PAWR: variants seen among roughly 807,000 people sequenced by gnomAD.
PAWR encodes PRKC apoptosis WT1 regulator protein.
In PAWR, 23 loss-of-function variants were observed where a neutral mutation model predicts 32.0. That is an observed-to-expected ratio of 0.72 (90% CI 0.52 to 1.02). The LOEUF is 1.02. PAWR is among the 50% of genes least tolerant of loss of function. PAWR has a pLI of 0.00. For missense variants in PAWR, 457 were observed against 437.7 expected, an observed-to-expected ratio of 1.04 and a Z score of -0.39; for synonymous variants, 226 against 187.1, an observed-to-expected ratio of 1.21 and a Z score of -1.70.
chr12:79,677,777 T>C (rs1220277785), intron 2 of PAWR, among the ~76,000 whole-genome samples: 2 of 152,150 alleles, frequency 1.3e-5, no homozygotes, highest in African/African-American at 4.8e-5. Context: ...CAAAGGCAAT[T>C]CCCATCCTTA....
chr12:79,634,829 A>G (rs540028727), intron 2 of PAWR, among the ~76,000 whole-genome samples: 58 of 152,160 alleles, frequency 3.8e-4, no homozygotes, highest in African/African-American at 1.4e-3. Context: ...TGACAGTTAT[A>G]TAAGGATTCA....
At chr12:79,684,590 C>G (rs1294941836) in intron 2 of PAWR, among the ~76,000 whole-genome samples, 1 of 151,556 alleles carries the variant, frequency 6.6e-6, no homozygotes, top group Non-Finnish European at 1.5e-5. Flanking sequence ...TGTACTCCAG[C>G]CTGGGCAACA....
At chr12:79,637,284 G>A (rs1163408006) in intron 2 of PAWR, among the ~76,000 whole-genome samples, 1 of 152,022 alleles carries the variant, frequency 6.6e-6, no homozygotes, top group African/African-American at 2.4e-5. Context: ...AACCATGAAA[G>A]GTATTAGGGA....
At chr12:79,642,169 T>G (rs1876357748) in intron 2 of PAWR, among the ~76,000 whole-genome samples, 1 of 152,200 alleles carries the variant, frequency 6.6e-6, no homozygotes, top group Non-Finnish European at 1.5e-5. Context: ...AAAGATATCT[T>G]CAATATATGG....
intron 2 of PAWR, among the ~76,000 whole-genome samples, chr12:79,647,892 C>A (rs1876651933): frequency 1.3e-5 from 2 of 152,190 alleles, no homozygotes; most frequent in African/African-American, 4.8e-5. Context: ...GAACACAAGA[C>A]AGGGGCAGGG....
chr12:79,632,349 ATATATATATATATTTTT>A (rs1875734254), intron 2 of PAWR, among the ~76,000 whole-genome samples: 1 of 33,602 alleles, frequency 3.0e-5, no homozygotes, highest in African/African-American at 3.6e-4. Flanking sequence ...ATATATATAT[ATATATATATATATTTTT>A]TTTTTTTTTT....
intron 2 of PAWR, among the ~76,000 whole-genome samples, chr12:79,654,806 C>T (rs949175129): frequency 6.6e-6 from 1 of 152,028 alleles, no homozygotes; most frequent in African/African-American, 2.4e-5. Context: ...GAGAACAACA[C>T]GGAGGAAACC....
chr12:79,643,655 T>A (rs1368672182), intron 2 of PAWR, among the ~76,000 whole-genome samples: 2 of 152,158 alleles, frequency 1.3e-5, no homozygotes, highest in Non-Finnish European at 2.9e-5. Flanking sequence ...AAACCTACTC[T>A]AAATCCTAAT....
chr12:79,608,084 GA>G (rs1421366064), intron 4 of PAWR, among the ~76,000 whole-genome samples: 1 of 151,768 alleles, frequency 6.6e-6, no homozygotes, highest in Non-Finnish European at 1.5e-5. Flanking sequence ...TTCCATCTAG[GA>G]AAAAAAGTTA....
At chr12:79,628,054 GAAGTA>G (rs1207362329) in intron 2 of PAWR, among the ~76,000 whole-genome samples, 1 of 152,120 alleles carries the variant, frequency 6.6e-6, no homozygotes, top group Non-Finnish European at 1.5e-5. Flanking sequence ...CACATAGTTA[GAAGTA>G]AAGCACTCCT....
chr12:79,632,308 CATACAT>C lies in PAWR; in HGVS notation c.517-11107_517-11102del, dbSNP rs1566010874. ...ATAGAAATATATACATATATATATACATACATATATATATATATATATATATATATA... is the reference window on the plus strand; with the variant it reads ...ATAGAAATATATACATATATATATACATATATATATATATATATATATATA... On this transcript the variant is annotated intron_variant, in intron 2 of 6. Coordinates refer to ENST00000328827, the MANE Select transcript of PAWR (RefSeq NM_002583.4). 22 of 25,174 alleles carry C rather than the reference CATACAT, an allele frequency of 8.7e-4. 1 individual carries two copies. Among genetic ancestry groups the C allele is most frequent in the Admixed American group, 1.8e-3 (3 of 1,644 alleles). The allele number at this position is 25,174 out of a possible 1,614,324, so 1.6% of individuals were successfully genotyped here.
chr12:79,600,943 A>G (rs900309008), intron 4 of PAWR, among the ~76,000 whole-genome samples: 1 of 152,156 alleles, frequency 6.6e-6, no homozygotes, highest in Non-Finnish European at 1.5e-5. Context: ...TGTGATGATG[A>G]CAAGTCAAAA....
At chr12:79,668,590 G>A (rs1228179573) in intron 2 of PAWR, among the ~76,000 whole-genome samples, 1 of 152,202 alleles carries the variant, frequency 6.6e-6, no homozygotes, top group Non-Finnish European at 1.5e-5. Context: ...ACATTGGTTA[G>A]ATTCTCATAA....
chr12:79,657,804 A>G (rs938851820), intron 2 of PAWR, among the ~76,000 whole-genome samples: 1 of 152,166 alleles, frequency 6.6e-6, no homozygotes, highest in Admixed American at 6.5e-5. Flanking sequence ...AAAAAAAAAA[A>G]AAGATTCTCA....
intron 4 of PAWR, among the ~76,000 whole-genome samples, chr12:79,610,896 T>C (rs1874405385): frequency 6.6e-6 from 1 of 151,224 alleles, no homozygotes; most frequent in Non-Finnish European, 1.5e-5. Flanking sequence ...TTCCCTACAG[T>C]TAAACACATT....
intron 2 of PAWR, among the ~76,000 whole-genome samples, chr12:79,642,446 T>G (rs908841357): frequency 6.6e-6 from 1 of 152,204 alleles, no homozygotes; most frequent in African/African-American, 2.4e-5. Context: ...ATCACAGAAT[T>G]TTATTTTCTC....
At chr12:79,638,197 C>T (rs1437421792) in intron 2 of PAWR, among the ~76,000 whole-genome samples, 4 of 151,262 alleles carry the variant, frequency 2.6e-5, no homozygotes, top group Non-Finnish European at 4.4e-5. Flanking sequence ...TTGGTCTCAC[C>T]CTTATTTTTT....
At chr12:79,676,623 C>A (rs890520854) in intron 2 of PAWR, among the ~76,000 whole-genome samples, 3 of 152,156 alleles carry the variant, frequency 2.0e-5, no homozygotes, top group African/African-American at 4.8e-5. Flanking sequence ...TTTGCTCTCA[C>A]AATATGAACA....
intron 2 of PAWR, among the ~76,000 whole-genome samples, chr12:79,654,382 G>C (rs1428636146): frequency 1.3e-5 from 2 of 151,622 alleles, no homozygotes; most frequent in Non-Finnish European, 2.9e-5. Flanking sequence ...TAAATACAAA[G>C]CTTTGCATCA....
Sources: gnomAD v4.1 joint callset for allele counts (sites outside exome capture counted in the v4.1 genomes callset) on GRCh38, gnomAD v4.1.1 for gene constraint, MANE v1.5 for transcripts, NCBI Gene and HGNC (gene_info 2026-07-23, HGNC 2026-07-21) for gene names.